The following SLC24A3 variants were observed in gnomAD, a reference collection of about 807,000 sequenced individuals.
SLC24A3 encodes the protein solute carrier family 24 member 3.
Under a neutral mutation model 75.8 loss-of-function variants are expected in SLC24A3, and 28 were observed. The observed-to-expected ratio is 0.37, with a 90% confidence interval of 0.27 to 0.51. The LOEUF is 0.51. Among genes scored for constraint, SLC24A3 ranks in the 20% least tolerant of loss-of-function variants. The probability of loss-of-function intolerance (pLI) is 0.94; values close to 1 mark genes in which losing one functional copy is unlikely to be tolerated. For synonymous variants in SLC24A3, 372 were observed against 334.1 expected (o/e 1.11, Z -1.24); for missense variants, 663 against 847.8 (o/e 0.78, Z 2.71).
At chr20:19,576,064 T>G (rs1406030618) in intron 3 of SLC24A3, among the ~76,000 whole-genome samples, 1 of 152,136 alleles carries the variant, frequency 6.6e-6, no homozygotes, top group South Asian at 2.1e-4. Context: ...TCCCACACCC[T>G]CTGCATTGTC....
intron 2 of SLC24A3, among the ~76,000 whole-genome samples, chr20:19,378,346 C>T (rs1986122946): frequency 6.6e-6 from 1 of 151,992 alleles, no homozygotes; most frequent in Admixed American, 6.6e-5. Flanking sequence ...ATAAATAAGG[C>T]CTGGAAGCCA....
intron 1 of SLC24A3, among the ~76,000 whole-genome samples, chr20:19,252,645 G>GT (rs1555783971): frequency 6.7e-6 from 1 of 149,732 alleles, no homozygotes; most frequent in African/African-American, 2.5e-5. Context: ...TGGAATGGCG[G>GT]GGGGGGGTGC....
intron 1 of SLC24A3, among the ~76,000 whole-genome samples, chr20:19,231,970 G>T (rs937594665): frequency 6.6e-6 from 1 of 152,188 alleles, no homozygotes; most frequent in Non-Finnish European, 1.5e-5. Context: ...AACTTGGTTT[G>T]GTGCATTCAT....
At position 19,400,032 on chromosome 20, in the gene SLC24A3, G is replaced by A. The variant is rs766633538; in HGVS notation, c.272-115456G>A. Among the ~76,000 whole-genome samples the A allele has an allele frequency of 2.0e-5, 3 of 152,086 alleles. 1 individual carries two copies. The highest frequency in any genetic ancestry group is 4.8e-5 in the African/African-American group (2 of 41,404). ...TTTTTTATATCTTCCATGTCTCTAC[G>A]TAACTTTTGGAACATAGAACAGATA... On this transcript the variant is annotated intron_variant, in intron 2 of 16. Transcript: ENST00000328041.
At chr20:19,430,327 C>T (rs1489358549) in intron 2 of SLC24A3, among the ~76,000 whole-genome samples, 2 of 152,114 alleles carry the variant, frequency 1.3e-5, no homozygotes. Flanking sequence ...AGAGTTTTCC[C>T]TTGGCTCACC....
chr20:19,288,390 G>C (rs1014049615), intron 2 of SLC24A3, among the ~76,000 whole-genome samples: 1 of 152,140 alleles, frequency 6.6e-6, no homozygotes, highest in Admixed American at 6.5e-5. Flanking sequence ...CATCCCTTTA[G>C]GGCATTTTTA....
At chr20:19,331,768 TA>T (rs1245709206) in intron 2 of SLC24A3, among the ~76,000 whole-genome samples, 2 of 152,130 alleles carry the variant, frequency 1.3e-5, no homozygotes, top group East Asian at 3.8e-4. Flanking sequence ...GCTTCCATTC[TA>T]GGGGGAGGTG....
In SLC24A3 at chr20:19,585,493, G is replaced by C. The variant is rs767769065; in HGVS notation, c.561G>C (p.Ala187=). 1 of 1,614,174 alleles carries C rather than the reference G, an allele frequency of 6.2e-7. No individual in the cohort carries two copies. The highest frequency in any genetic ancestry group is 1.1e-5 in the South Asian group (1 of 91,074). The change falls in exon 6 of 17, where the codon GCG becomes GCC. Residue 187 remains alanine (A), a synonymous_variant. Coordinates refer to ENST00000328041, the MANE Select transcript of SLC24A3 (RefSeq NM_020689.4). ...DVGVGTIVGS[A]VFNILCIIGV... ...GAGTTGGCACCATCGTGGGCTCAGC[G>C]GTATTCAACATCCTGTGCATCATTG...
chr20:19,333,642 AGTGTGTGTGTGTGTGAGAGT>A (rs1022934718), intron 2 of SLC24A3, among the ~76,000 whole-genome samples: 14 of 119,466 alleles, frequency 1.2e-4, no homozygotes, highest in African/African-American at 4.3e-4. Context: ...TGTGTGTGTG[AGTGTGTGTGTGTGTGAGAGT>A]GTGTGTGTGT....
chr20:19,557,623 T>C (rs1638720828), intron 3 of SLC24A3, among the ~76,000 whole-genome samples: 1 of 152,182 alleles, frequency 6.6e-6, no homozygotes, highest in South Asian at 2.1e-4. Flanking sequence ...CTCTATTACT[T>C]TGGGTTTTGA....
intron 3 of SLC24A3, among the ~76,000 whole-genome samples, chr20:19,557,514 G>A (rs188159170): frequency 6.6e-6 from 1 of 152,190 alleles, no homozygotes; most frequent in Non-Finnish European, 1.5e-5. Context: ...CTCAGTAGCT[G>A]TCTCCAAAAC....
intron 6 of SLC24A3, among the ~76,000 whole-genome samples, chr20:19,607,490 G>C (rs960758419): frequency 6.6e-6 from 1 of 152,120 alleles, no homozygotes; most frequent in African/African-American, 2.4e-5. Context: ...CTCCAATTGG[G>C]GGTCTAAGCT....
intron 3 of SLC24A3, among the ~76,000 whole-genome samples, chr20:19,578,965 C>T (rs977726935): frequency 6.6e-6 from 1 of 152,144 alleles, no homozygotes; most frequent in Non-Finnish European, 1.5e-5. Context: ...TGGTCCACAG[C>T]AAGCAACAGA....
chr20:19,382,272 C>T (rs938214476), intron 2 of SLC24A3, among the ~76,000 whole-genome samples: 2 of 152,046 alleles, frequency 1.3e-5, no homozygotes, highest in African/African-American at 4.8e-5. Flanking sequence ...CAAAAACCAG[C>T]GTGATAGTGC....
At chr20:19,569,500 G>C (rs2031015516) in intron 3 of SLC24A3, among the ~76,000 whole-genome samples, 1 of 151,830 alleles carries the variant, frequency 6.6e-6, no homozygotes, top group Admixed American at 6.6e-5. Flanking sequence ...GTTATTCTCT[G>C]CTCCAACCCC....
intron 2 of SLC24A3, among the ~76,000 whole-genome samples, chr20:19,485,064 G>A (rs997086699): frequency 1.3e-5 from 2 of 152,184 alleles, no homozygotes; most frequent in Admixed American, 6.5e-5. Context: ...TCACTCTCAT[G>A]CATGGCTGGT....
chr20:19,620,854 C>T (rs2031794482), intron 6 of SLC24A3, among the ~76,000 whole-genome samples: 1 of 152,186 alleles, frequency 6.6e-6, no homozygotes, highest in African/African-American at 2.4e-5. Context: ...GGTTCACCAG[C>T]TCTCATTGCA....
Position 19,684,261 on chromosome 20 carries a change from C to G in SLC24A3, c.987C>G (p.Gly329=). 6.2e-7 allele frequency: 1 copy of G among 1,614,132 alleles called. No homozygotes were observed. Among genetic ancestry groups the G allele is most frequent in the Non-Finnish European group, 8.5e-7 (1 of 1,180,028 alleles). ...YPHQLSFSEA[G]LRIMITSHFP... ...ACCAGCTTTCCTTCTCTGAGGCTGG[C>G]CTTCGAATCATGATAACCAGCCACT... The change falls in exon 11 of 17, where the codon GGC becomes GGG. Residue 329 remains glycine (G), a synonymous_variant. Transcript: ENST00000328041.
At chr20:19,410,951 C>T (rs1986733950) in intron 2 of SLC24A3, among the ~76,000 whole-genome samples, 1 of 152,216 alleles carries the variant, frequency 6.6e-6, no homozygotes, top group Non-Finnish European at 1.5e-5. Context: ...TTTCTGGAAA[C>T]ATCCCAGCCT....
Sources: allele counts gnomAD v4.1 joint callset (sites outside exome capture counted in the v4.1 genomes callset), GRCh38; gene constraint gnomAD v4.1.1; transcripts MANE v1.5; gene names NCBI Gene and HGNC (gene_info 2026-07-23, HGNC 2026-07-21).